The following SLC28A3 variants were observed in gnomAD, a reference collection of about 807,000 sequenced individuals.
The protein encoded by SLC28A3 is solute carrier family 28 member 3.
Under a neutral mutation model 84.2 loss-of-function variants are expected in SLC28A3, and 68 were observed. The observed-to-expected ratio is 0.81, with a 90% CI of 0.66 to 0.99. The LOEUF (loss-of-function observed/expected upper bound fraction) is 0.99. Ranked by LOEUF, SLC28A3 falls within the 50% of genes least tolerant of loss-of-function variation. The pLI is 0.00. For synonymous variants in SLC28A3, 267 were observed against 303.6 expected (o/e 0.88, Z 1.25); for missense variants, 712 against 841.5 (o/e 0.85, Z 1.90).
At chr9:84,333,231 G>A (rs1826852546) in intron 1 of SLC28A3, among the ~76,000 whole-genome samples, 1 of 152,160 alleles carries the variant, frequency 6.6e-6, no homozygotes, top group Admixed American at 6.5e-5. Context: ...TGTATCTGGG[G>A]TGACTGCACC....
the SLC28A3 span, among the ~76,000 whole-genome samples, chr9:84,366,410 G>T: frequency 6.6e-6 from 1 of 152,026 alleles, no homozygotes; most frequent in Non-Finnish European, 1.5e-5. Flanking sequence ...TAGTTCATTT[G>T]GTGAAGTCTT....
intron 4 of SLC28A3, 136 bp downstream of exon 4, chr9:84,305,118 C>T: frequency 1.4e-6 from 1 of 730,090 alleles, no homozygotes; most frequent in South Asian, 1.9e-5. Context: ...TACTTCTCTA[C>T]CACCCCCGAT....
At chr9:84,316,155 A>G (rs577682574) in intron 1 of SLC28A3, among the ~76,000 whole-genome samples, 5 of 152,268 alleles carry the variant, frequency 3.3e-5, no homozygotes, top group South Asian at 2.1e-4. Flanking sequence ...CTATGTGGCT[A>G]TTAGAGGGAG....
rs1564149694 is a variant in SLC28A3, at chr9:84,290,151, T to TAC, written c.1149+1_1149+2dup. ...TGTTTTCATAATTCCAAAACATTCT[T>TAC]ACCCCAAAAGAAATGTATGCACCTA... is the stretch of plus-strand genomic sequence containing the variant. On this transcript the variant is annotated splice_region_variant and intron_variant, in intron 11 of 17. Coordinates refer to ENST00000376238, the MANE Select transcript of SLC28A3 (RefSeq NM_001199633.2). 6.2e-7 allele frequency: 1 copy of TAC among 1,613,068 alleles called. No homozygotes were observed. Among genetic ancestry groups the TAC allele is most frequent in the Non-Finnish European group, 8.5e-7 (1 of 1,179,458 alleles).
At chr9:84,314,902 C>A (rs141176852) in intron 1 of SLC28A3, among the ~76,000 whole-genome samples, 1 of 152,108 alleles carries the variant, frequency 6.6e-6, no homozygotes. Flanking sequence ...CATGGTGAAA[C>A]CCCGTCTCTA....
At chr9:84,282,176 T>C (rs1473751063) in intron 14 of SLC28A3, among the ~76,000 whole-genome samples, 1 of 151,942 alleles carries the variant, frequency 6.6e-6, no homozygotes, top group Non-Finnish European at 1.5e-5. Flanking sequence ...AATTCTAGAA[T>C]ATGCAAACAT....
At chr9:84,315,915 T>G (rs1826156293) in intron 1 of SLC28A3, among the ~76,000 whole-genome samples, 1 of 152,220 alleles carries the variant, frequency 6.6e-6, no homozygotes, top group Admixed American at 6.5e-5. Flanking sequence ...TGCGTTCTCA[T>G]GGTAAAATCT....
intron 14 of SLC28A3, among the ~76,000 whole-genome samples, chr9:84,282,237 T>A (rs961848327): frequency 7.2e-5 from 11 of 151,764 alleles, no homozygotes; most frequent in Non-Finnish European, 1.6e-4. Context: ...GGTCTTCGGA[T>A]GGGGATGGGA....
chr9:84,334,884 G>C (rs895551746), intron 1 of SLC28A3, among the ~76,000 whole-genome samples: 6 of 152,112 alleles, frequency 3.9e-5, no homozygotes, highest in Admixed American at 2.6e-4. Flanking sequence ...TCCTTTCGGA[G>C]TCTTTTCTGT....
At chr9:84,354,854 G>GA in the SLC28A3 span, among the ~76,000 whole-genome samples, 2 of 115,440 alleles carry the variant, frequency 1.7e-5, no homozygotes, top group Non-Finnish European at 3.8e-5. Context: ...CTCAAAAAGA[G>GA]AAAAAAAGAA....
the SLC28A3 span, among the ~76,000 whole-genome samples, chr9:84,365,166 C>T: frequency 1.3e-5 from 2 of 152,166 alleles, no homozygotes; most frequent in Non-Finnish European, 2.9e-5. Context: ...CTTTTCTCTT[C>T]ATTCTCACCA....
upstream of SLC28A3, among the ~76,000 whole-genome samples, chr9:84,344,941 G>A (rs1564186350): frequency 6.6e-6 from 1 of 152,026 alleles, no homozygotes; most frequent in African/African-American, 2.4e-5. Context: ...ATGTTCTTAG[G>A]GCCTCCCAAG....
At chr9:84,293,633 A>C (rs1461469678) in intron 9 of SLC28A3, among the ~76,000 whole-genome samples, 2 of 152,198 alleles carry the variant, frequency 1.3e-5, no homozygotes, top group African/African-American at 4.8e-5. Flanking sequence ...CATAGGACTC[A>C]TTGAGGCTAG....
At chr9:84,293,026 AT>A (rs1367287586) in intron 9 of SLC28A3, among the ~76,000 whole-genome samples, 1 of 152,228 alleles carries the variant, frequency 6.6e-6, no homozygotes, top group Non-Finnish European at 1.5e-5. Flanking sequence ...ATAAATGACA[AT>A]TGCTAACATG....
At position 84,277,912 on chromosome 9, in the gene SLC28A3, G is replaced by T; in HGVS notation, c.*306C>A. 2 of 309,326 alleles carry T rather than the reference G, an allele frequency of 6.5e-6. No homozygotes were observed. The highest frequency in any genetic ancestry group is 6.6e-5 in the East Asian group (1 of 15,104). The allele number at this position is 309,326 out of a possible 1,614,324, so 19.2% of individuals were successfully genotyped here. On this transcript the variant is annotated 3_prime_UTR_variant, in exon 18 of 18. Transcript: ENST00000376238. Reference sequence around the variant, plus strand: ...CAGTTGTTGGGAGCGGCCGTTTATAGCTGTATTCTGGTGAAATGCCTTGCA... The same window carrying T: ...CAGTTGTTGGGAGCGGCCGTTTATATCTGTATTCTGGTGAAATGCCTTGCA...
chr9:84,363,425 A>C, the SLC28A3 span, among the ~76,000 whole-genome samples: 1 of 152,288 alleles, frequency 6.6e-6, no homozygotes, highest in East Asian at 1.9e-4. Context: ...ATTCCTCTTT[A>C]CTGGACTATT....
At chr9:84,332,077 C>T (rs1826810569) in intron 1 of SLC28A3, among the ~76,000 whole-genome samples, 1 of 152,152 alleles carries the variant, frequency 6.6e-6, no homozygotes, top group Admixed American at 6.6e-5. Flanking sequence ...TTACACTATA[C>T]ATTAAACTCA....
chr9:84,354,530 A>G, the SLC28A3 span, among the ~76,000 whole-genome samples: 1,756 of 152,356 alleles, frequency 0.012, 25 homozygotes, highest in East Asian at 0.045. Flanking sequence ...TCAAAAATTC[A>G]TGAGTCTATA....
chr9:84,278,672 A>G (rs1159325459), intron 17 of SLC28A3, among the ~76,000 whole-genome samples: 1 of 152,170 alleles, frequency 6.6e-6, no homozygotes, highest in Non-Finnish European at 1.5e-5. Flanking sequence ...GGTGGCTGGC[A>G]TGGGTCACTG....
Sources: gnomAD v4.1 joint callset for allele counts (sites outside exome capture counted in the v4.1 genomes callset) on GRCh38, gnomAD v4.1.1 for gene constraint, MANE v1.5 for transcripts, NCBI Gene and HGNC (gene_info 2026-07-23, HGNC 2026-07-21) for gene names.